Variants in AKNA observed in about 807,000 individuals in gnomAD.
AKNA encodes microtubule organization protein AKNA.
Under a neutral mutation model 138.8 loss-of-function variants are expected in AKNA, and 67 were observed. The ratio of observed to expected loss-of-function variants is 0.48; its 90% CI spans 0.40 to 0.59. The LOEUF is 0.59. Among genes scored for constraint, AKNA ranks in the 20% least tolerant of loss-of-function variants. The pLI is 0.00. For synonymous variants in AKNA, 737 were observed against 754.4 expected, an observed-to-expected ratio of 0.98 and a Z score of 0.38; for missense variants, 1,813 against 1,880.4, an observed-to-expected ratio of 0.96 and a Z score of 0.66.
chr9:114,377,300 C>T lies in AKNA; in HGVS notation c.507G>A (p.Arg169=). 6.2e-7 allele frequency: 1 copy of T among 1,614,142 alleles called. No individual in the cohort carries two copies. Among genetic ancestry groups the T allele is most frequent in the Non-Finnish European group, 8.5e-7 (1 of 1,180,000 alleles). ...SPMALGHGQA[R]GWVASGEQAS... is the part of the protein sequence containing the mutation. Reference sequence around the variant, plus strand: ...CTTGTTCGCCAGAAGCCACCCAGCCCCTGGCCTGACCATGCCCAAGAGCCA... The same window carrying T: ...CTTGTTCGCCAGAAGCCACCCAGCCTCTGGCCTGACCATGCCCAAGAGCCA... Residue 169 remains arginine (R), a synonymous_variant, in exon 3 of 22, where the codon AGG becomes AGA. Coordinates refer to ENST00000374088, the MANE Select transcript of AKNA (RefSeq NM_001317950.2).
At chr9:114,388,876 T>G (rs1834222391), upstream of AKNA, among the ~76,000 whole-genome samples, 1 of 152,144 alleles carries the variant, frequency 6.6e-6, no homozygotes, top group Admixed American at 6.5e-5. Flanking sequence ...TGAGACTGGG[T>G]GACGATCCGT....
chr9:114,386,253 T>A (rs570279122), intron 1 of AKNA, among the ~76,000 whole-genome samples: 8 of 152,208 alleles, frequency 5.3e-5, no homozygotes, highest in African/African-American at 1.9e-4. Flanking sequence ...AGAGTAAAAG[T>A]GTTCCAAGAT....
At chr9:114,379,198 A>G (rs1004132908) in intron 2 of AKNA, among the ~76,000 whole-genome samples, 1 of 152,194 alleles carries the variant, frequency 6.6e-6, no homozygotes, top group African/African-American at 2.4e-5. Flanking sequence ...CCTGGGTTCA[A>G]TCCTGGCTCC....
intron 2 of AKNA, among the ~76,000 whole-genome samples, chr9:114,380,038 C>T (rs1008992225): frequency 2.0e-5 from 3 of 152,002 alleles, no homozygotes; most frequent in Non-Finnish European, 4.4e-5. Flanking sequence ...GTAGTCCCAG[C>T]TCCTCGGGAG....
At chr9:114,377,689 G>T in intron 2 of AKNA, 157 bp from the exon 3 acceptor site, 1 of 756,782 alleles carries the variant, frequency 1.3e-6, no homozygotes, top group Non-Finnish European at 2.1e-6. Context: ...GTGCTTGTCT[G>T]ATACCTGATC....
intron 3 of AKNA, among the ~76,000 whole-genome samples, chr9:114,374,686 TAAACAAGTCCAAAGAACTTTATAA>T (rs1215982957): frequency 6.6e-6 from 1 of 152,176 alleles, no homozygotes; most frequent in Non-Finnish European, 1.5e-5. Context: ...TCACTTATCT[TAAACAAGTCCAAAGAACTTTATAA>T]AAACAAGTCA....
At chr9:114,346,038 G>T (rs1267271083) in intron 17 of AKNA, 29 bp from the exon 18 acceptor site, 1 of 1,607,586 alleles carries the variant, frequency 6.2e-7, no homozygotes, top group Non-Finnish European at 8.5e-7. Flanking sequence ...GGCATCAGAG[G>T]GGGCAAGGGG....
At chr9:114,354,869 C>CT (rs951126529) in intron 14 of AKNA, among the ~76,000 whole-genome samples, 16,803 of 133,676 alleles carry the variant, frequency 0.13, 2,889 homozygotes, top group African/African-American at 0.39. Context: ...CTATACGGTA[C>CT]TTTTTTTTTT....
Position 114,346,736 on chromosome 9 carries a change from A to C in AKNA, c.3447T>G (p.Ile1149Met). 1 of 1,613,302 alleles carries C rather than the reference A, an allele frequency of 6.2e-7. No individual in the cohort carries two copies. Among genetic ancestry groups the C allele is most frequent in the East Asian group, 2.2e-5 (1 of 44,804 alleles). ...TGGCTCGCTGCCTTCCTGGAGGGAC[A>C]ATCTGCTCTTCACCTCTAGGCTCAC... The part of the protein sequence containing the change: ...LPGEPRGEEQ[I>M]VPPGRQRARS... The change falls in exon 17 of 22, where the codon ATT becomes ATG. Residue 1149 changes from isoleucine (I) to methionine (M), a missense_variant. Ile to Met is a conservative substitution (Grantham distance 10, BLOSUM62 1). Coordinates refer to ENST00000374088, the MANE Select transcript of AKNA (RefSeq NM_001317950.2).
chr9:114,390,777 C>G (rs1029164464), upstream of AKNA, among the ~76,000 whole-genome samples: 4 of 152,242 alleles, frequency 2.6e-5, no homozygotes, highest in Admixed American at 6.5e-5. Flanking sequence ...CCTTGCTTTT[C>G]CTGGGACAGA....
intron 9 of AKNA, among the ~76,000 whole-genome samples, chr9:114,361,398 C>T (rs1831948777): frequency 6.6e-6 from 1 of 152,166 alleles, no homozygotes; most frequent in African/African-American, 2.4e-5. Flanking sequence ...GCTACTCTCA[C>T]AGAACCCCAT....
downstream of AKNA, among the ~76,000 whole-genome samples, chr9:114,331,263 A>T (rs1282291078): frequency 1.3e-5 from 2 of 152,044 alleles, no homozygotes; most frequent in African/African-American, 2.4e-5. Context: ...GATCTGATGG[A>T]GCTGAACTGA....
At chr9:114,351,638 C>A (rs917143404) in intron 14 of AKNA, among the ~76,000 whole-genome samples, 3 of 124,524 alleles carry the variant, frequency 2.4e-5, no homozygotes, top group African/African-American at 1.0e-4. Flanking sequence ...TATAGAAAGA[C>A]CCCATCTTTG....
intron 15 of AKNA, 98 bp downstream of exon 15, chr9:114,350,761 G>A (rs1831053914): frequency 7.3e-7 from 1 of 1,363,752 alleles, no homozygotes; most frequent in East Asian, 2.5e-5. Context: ...CCATCTGTGT[G>A]AGCTGGGCAG....
chr9:114,346,986 T>C (rs1306549264), intron 16 of AKNA, among the ~76,000 whole-genome samples: 2 of 152,120 alleles, frequency 1.3e-5, no homozygotes, highest in African/African-American at 4.8e-5. Context: ...ATCTGTCAAG[T>C]GGGGATAATA....
At chr9:114,359,252 T>C (rs1831740729) in intron 11 of AKNA, 2 of 320,262 alleles carry the variant, frequency 6.2e-6, no homozygotes, top group Admixed American at 4.8e-5. Context: ...TATTTCTTGT[T>C]GAGATGGGGC....
At chr9:114,379,571 A>G (rs1378091303) in intron 2 of AKNA, among the ~76,000 whole-genome samples, 1 of 152,224 alleles carries the variant, frequency 6.6e-6, no homozygotes, top group African/African-American at 2.4e-5. Context: ...CCACTACCAG[A>G]GGAGGCTTCT....
downstream of AKNA, among the ~76,000 whole-genome samples, chr9:114,333,840 TG>T (rs1284731771): frequency 6.6e-6 from 1 of 151,002 alleles, no homozygotes; most frequent in Non-Finnish European, 1.5e-5. Context: ...TGATATTGTT[TG>T]GCTCTGTGTC....
At chr9:114,341,358 G>C (rs907325225) in intron 21 of AKNA, among the ~76,000 whole-genome samples, 175 bp downstream of exon 21, 1 of 152,182 alleles carries the variant, frequency 6.6e-6, no homozygotes, top group African/African-American at 2.4e-5. Flanking sequence ...GCCTATATGA[G>C]TGTTGGCTTT....
Sources: allele counts gnomAD v4.1 joint callset (sites outside exome capture counted in the v4.1 genomes callset), GRCh38; gene constraint gnomAD v4.1.1; transcripts MANE v1.5; gene names NCBI Gene and HGNC (gene_info 2026-07-23, HGNC 2026-07-21).